CCDC85C: variants seen among roughly 807,000 people sequenced by gnomAD.
CCDC85C encodes coiled-coil domain-containing protein 85C.
In CCDC85C, 18 loss-of-function variants were observed where a neutral mutation model predicts 38.3. The ratio of observed to expected loss-of-function variants is 0.47; its 90% CI spans 0.33 to 0.70. CCDC85C has a LOEUF of 0.70. CCDC85C is among the 30% of genes least tolerant of loss of function. The pLI is 0.03. For synonymous variants in CCDC85C, 264 were observed against 293.8 expected (o/e 0.90, Z 1.04); for missense variants, 566 against 621.2 (o/e 0.91, Z 0.94).
At chr14:99,581,037 G>A (rs1207075663) in intron 1 of CCDC85C, among the ~76,000 whole-genome samples, 3 of 152,140 alleles carry the variant, frequency 2.0e-5, no homozygotes, top group African/African-American at 7.2e-5. Context: ...CTGTGTTTCA[G>A]GAAAGACAGA....
chr14:99,561,401 G>A (rs1045107834), intron 1 of CCDC85C, among the ~76,000 whole-genome samples: 1 of 152,218 alleles, frequency 6.6e-6, no homozygotes, highest in Non-Finnish European at 1.5e-5. Context: ...ACTGGCATGT[G>A]GCTCAGCAGG....
chr14:99,587,478 T>C (rs1040913002), intron 1 of CCDC85C, among the ~76,000 whole-genome samples: 2 of 152,154 alleles, frequency 1.3e-5, no homozygotes, highest in Non-Finnish European at 2.9e-5. Context: ...TATCCCCCTA[T>C]GGGATGGCCC....
chr14:99,569,688 A>G lies in CCDC85C; in HGVS notation c.793+33479T>C, dbSNP rs114076739. Among the ~76,000 whole-genome samples the G allele has an allele frequency of 6.5e-3, 988 of 152,266 alleles. 14 individuals are homozygous for G. Among genetic ancestry groups the G allele is most frequent in the African/African-American group, 0.023 (951 of 41,554 alleles). On this transcript the variant is annotated intron_variant, in intron 1 of 5. Coordinates refer to ENST00000380243, the MANE Select transcript of CCDC85C (RefSeq NM_001144995.2). The surrounding 1 kb of genome is among the most constrained non-coding windows in gnomAD (Gnocchi z 4.3). ...AGGCAACCTCATCAGCACTTGAGAC[A>G]TTGCTAGTTCTTTGCACCTCTGCTT...
chr14:99,517,581 C>T (rs1897246683), intron 3 of CCDC85C, among the ~76,000 whole-genome samples: 1 of 152,194 alleles, frequency 6.6e-6, no homozygotes, highest in African/African-American at 2.4e-5. Context: ...AACCCTGGCA[C>T]CTGACTCCAA....
At position 99,544,867 on chromosome 14, in the gene CCDC85C, C is replaced by A. The variant is rs1897778168; in HGVS notation, c.794-8779G>T. 6.6e-6 allele frequency among the ~76,000 whole-genome samples: 1 copy of A among 152,198 alleles called. No individual in the cohort carries two copies. The highest frequency in any genetic ancestry group is 2.4e-5 in the African/African-American group (1 of 41,444). On this transcript the variant is annotated intron_variant, in intron 1 of 5. Transcript: ENST00000380243. The surrounding 1 kb of genome is among the most constrained non-coding windows in gnomAD (Gnocchi z 5.3). Reference sequence around the variant, plus strand: ...GGCTGGCACCAGCTTCCCCTGAGATCCACCTCCATGCCCGGAGACATGGGA... The same window carrying A: ...GGCTGGCACCAGCTTCCCCTGAGATACACCTCCATGCCCGGAGACATGGGA...
Position 99,510,251 on chromosome 14 carries a change from G to A in CCDC85C, c.*4995C>T, listed in dbSNP as rs1412248713. ...TCCCCAAAGTCCAGATTCCCCCTCC[G>A]GCCCACCCGGCCCCTGTGCACCAGC... On this transcript the variant is annotated 3_prime_UTR_variant, in exon 6 of 6. Coordinates refer to ENST00000380243, the MANE Select transcript of CCDC85C (RefSeq NM_001144995.2). The A allele has an allele frequency of 1.5e-5, 22 of 1,503,632 alleles. No individual in the cohort carries two copies. The highest frequency in any genetic ancestry group is 2.4e-5 in the South Asian group (2 of 82,466). 93.1% of individuals were successfully genotyped at this position (1,503,632 alleles called of 1,614,324 possible).
intron 1 of CCDC85C, among the ~76,000 whole-genome samples, chr14:99,586,700 C>T (rs946564216): frequency 6.6e-6 from 1 of 152,208 alleles, no homozygotes; most frequent in Non-Finnish European, 1.5e-5. Context: ...TCATCACTGT[C>T]ATACATGAGC....
chr14:99,535,960 AG>A lies in CCDC85C; in HGVS notation c.867+54del. 3 of 1,332,522 alleles carry A rather than the reference AG, an allele frequency of 2.3e-6. No homozygotes were observed. Among genetic ancestry groups the A allele is most frequent in the Non-Finnish European group, 2.1e-6 (2 of 949,874 alleles). 82.5% of individuals were successfully genotyped at this position (1,332,522 alleles called of 1,614,324 possible). A position where few individuals can be genotyped will look rare whatever the true frequency, so the allele number is the denominator to read the frequency against. On this transcript the variant is annotated intron_variant, in intron 2 of 5. Transcript: ENST00000380243. The surrounding 1 kb of genome is among the most constrained non-coding windows in gnomAD (Gnocchi z 5.5). Reference sequence around the variant, plus strand: ...GGGAAGGGTGCCCTGGGTGAGCTGGAGGGGTGGGTGCTGGGTCGCGGTCCTC... The same window carrying A: ...GGGAAGGGTGCCCTGGGTGAGCTGGAGGGTGGGTGCTGGGTCGCGGTCCTC...
At position 99,569,364 on chromosome 14, in the gene CCDC85C, C is replaced by A. The variant is rs981859853; in HGVS notation, c.794-33276G>T. On this transcript the variant is annotated intron_variant, in intron 1 of 5. Coordinates refer to ENST00000380243, the MANE Select transcript of CCDC85C (RefSeq NM_001144995.2). This position sits in a 1 kb window ranked among gnomAD's most constrained non-coding sequence, Gnocchi z 4.3. ...CTGCTGGGCCAGTGGGGTGTGTGCTCGGCTCCACCAGACAGTATTCCAAAG... is the reference window on the plus strand; with the variant it reads ...CTGCTGGGCCAGTGGGGTGTGTGCTAGGCTCCACCAGACAGTATTCCAAAG... Among the ~76,000 whole-genome samples the A allele has an allele frequency of 6.6e-6, 1 of 152,116 alleles. No homozygotes were observed. The highest frequency in any genetic ancestry group is 1.5e-5 in the Non-Finnish European group (1 of 68,004).
chr14:99,524,469 G>A (rs570996404), intron 2 of CCDC85C, among the ~76,000 whole-genome samples: 118 of 152,278 alleles, frequency 7.7e-4, no homozygotes, highest in Non-Finnish European at 1.3e-3. Flanking sequence ...ATGTGTGTGC[G>A]TGAGCGTGAG....
intron 1 of CCDC85C, among the ~76,000 whole-genome samples, chr14:99,541,692 G>A (rs1897716424): frequency 6.6e-6 from 1 of 152,184 alleles, no homozygotes; most frequent in African/African-American, 2.4e-5. Flanking sequence ...GGGCTCCTGG[G>A]CAGAGCTGCA....
chr14:99,551,806 G>A (rs1014352910), intron 1 of CCDC85C, among the ~76,000 whole-genome samples: 2 of 152,124 alleles, frequency 1.3e-5, no homozygotes, highest in African/African-American at 4.8e-5. Context: ...CCACCAGCCA[G>A]GCTCAGCCTC....
Position 99,502,871 on chromosome 14 carries a change from T to A in CCDC85C, c.*12375A>T. On this transcript the variant is annotated 3_prime_UTR_variant, in exon 6 of 6. Coordinates refer to ENST00000380243, the MANE Select transcript of CCDC85C (RefSeq NM_001144995.2). ...ACAGCCGTCTCAAAGCTCCGAACCA[T>A]CCCAGCCCCAGCAGAAGGACCCCCA... 1 of 1,612,410 alleles carries A rather than the reference T, an allele frequency of 6.2e-7. No homozygotes were observed. The highest frequency in any genetic ancestry group is 1.3e-5 in the African/African-American group (1 of 74,574).
At chr14:99,575,629 T>C (rs1444173312) in intron 1 of CCDC85C, among the ~76,000 whole-genome samples, 2 of 152,334 alleles carry the variant, frequency 1.3e-5, no homozygotes, top group East Asian at 3.9e-4. Flanking sequence ...GAGGACCCTG[T>C]ATGAATTGTG....
intron 2 of CCDC85C, among the ~76,000 whole-genome samples, chr14:99,529,006 A>AG (rs1181088935): frequency 6.6e-6 from 1 of 151,892 alleles, no homozygotes. Context: ...AAAAGTTGAT[A>AG]GGGAAAAAAA....
intron 1 of CCDC85C, among the ~76,000 whole-genome samples, chr14:99,540,610 C>CCTGGG (rs1334422803): frequency 1.3e-5 from 2 of 152,182 alleles, no homozygotes; most frequent in African/African-American, 2.4e-5. Context: ...GGGAGGTGAC[C>CCTGGG]CTGGGCTGGC....
intron 1 of CCDC85C, among the ~76,000 whole-genome samples, chr14:99,598,703 C>T (rs79295878): frequency 0.086 from 13,149 of 152,236 alleles, 698 homozygotes; most frequent in Non-Finnish European, 0.11. Context: ...AGACCCAAGA[C>T]GCATCCCAGG....
intron 1 of CCDC85C, among the ~76,000 whole-genome samples, chr14:99,584,252 G>A (rs916552292): frequency 3.3e-5 from 5 of 152,224 alleles, no homozygotes; most frequent in African/African-American, 1.2e-4. Flanking sequence ...ATAATTTTGA[G>A]CATTATAGTG....
chr14:99,518,829 G>A (rs1033966924), intron 3 of CCDC85C, among the ~76,000 whole-genome samples: 3 of 152,176 alleles, frequency 2.0e-5, no homozygotes, highest in African/African-American at 7.2e-5. Context: ...TGTGCAAGCC[G>A]CCCCTCTCCT....
Sources: gnomAD v4.1 joint callset for allele counts (sites outside exome capture counted in the v4.1 genomes callset) on GRCh38, gnomAD v4.1.1 for gene constraint, Gnocchi (gnomAD v3.1) non-coding constraint, MANE v1.5 for transcripts, NCBI Gene and HGNC (gene_info 2026-07-23, HGNC 2026-07-21) for gene names.